Variants in TLN2 observed in about 807,000 individuals in gnomAD.
TLN2 encodes the protein talin 2, also known as talin-2.
In TLN2, 118 loss-of-function variants were observed where a neutral mutation model predicts 294.7. That is an observed-to-expected ratio of 0.40 (90% confidence interval 0.34 to 0.47). The LOEUF (loss-of-function observed/expected upper bound fraction) is 0.47, where lower values mean the gene tolerates loss of function less well. Ranked by LOEUF, TLN2 falls within the 20% of genes least tolerant of loss-of-function variation. The probability of loss-of-function intolerance (pLI) is 0.84; values close to 1 mark genes in which losing one functional copy is unlikely to be tolerated. For missense variants in TLN2, 3,083 were observed against 3,282.2 expected (o/e 0.94, Z 1.48); for synonymous variants, 1,431 against 1,304.5 (o/e 1.10, Z -2.09).
At chr15:62,481,798 CTTT>C (rs60002079) in intron 1 of TLN2, among the ~76,000 whole-genome samples, 13 of 115,738 alleles carry the variant, frequency 1.1e-4, no homozygotes, top group Non-Finnish European at 1.9e-4. Context: ...TTCTTTCTTT[CTTT>C]TTTTTTTTTT....
intron 37 of TLN2, chr15:62,758,498 C>T (rs1276973017): frequency 6.6e-6 from 1 of 152,160 alleles, no homozygotes; most frequent in Non-Finnish European, 1.5e-5. Context: ...ATTTGGGTGC[C>T]AAGTAGAAAT....
intron 36 of TLN2, 66 bp downstream of exon 36, chr15:62,753,982 A>G: frequency 7.2e-7 from 1 of 1,396,586 alleles, no homozygotes; most frequent in Non-Finnish European, 9.4e-7. Context: ...GTTGTGGGAG[A>G]CTATGAGAAA....
At chr15:62,586,674 C>G (rs2045638299) in intron 1 of TLN2, among the ~76,000 whole-genome samples, 1 of 152,152 alleles carries the variant, frequency 6.6e-6, no homozygotes, top group African/African-American at 2.4e-5. Context: ...AAAAATAAAT[C>G]TGTGAAGTGG....
At chr15:62,760,619 A>G (rs1434698801) in intron 37 of TLN2, among the ~76,000 whole-genome samples, 2 of 152,112 alleles carry the variant, frequency 1.3e-5, no homozygotes, top group Non-Finnish European at 2.9e-5. Flanking sequence ...GTAGGTTCTA[A>G]CAGTCTTGAT....
chr15:62,638,302 G>T, intron 3 of TLN2: 2 of 348,800 alleles, frequency 5.7e-6, no homozygotes, highest in Non-Finnish European at 5.6e-6. Flanking sequence ...ACTCAGCTCA[G>T]TTGCCCGGAG....
At chr15:62,521,725 G>A (rs1416722482) in intron 1 of TLN2, among the ~76,000 whole-genome samples, 1 of 152,144 alleles carries the variant, frequency 6.6e-6, no homozygotes, top group Non-Finnish European at 1.5e-5. Flanking sequence ...CTAGATCCTA[G>A]AAAGGCCTGG....
Position 62,465,104 on chromosome 15 carries a change from G to GT in TLN2, c.-238+74442dup, listed in dbSNP as rs57890839. On this transcript the variant is annotated intron_variant, in intron 1 of 58. Transcript: ENST00000636159. ...TACTTGGGAAACTTGTGGTGAGCGC[G>GT]TTTTTTTTTTTTTTTTTTTTTTTGG... is the stretch of plus-strand genomic sequence containing the variant. Among the ~76,000 whole-genome samples the GT allele has an allele frequency of 5.7e-3, 491 of 85,508 alleles. 2 individuals are homozygous for GT. The highest frequency in any genetic ancestry group is 0.015 in the African/African-American group (328 of 22,482). The allele number at this position is 85,508 out of a possible 152,430, so 56.1% of individuals were successfully genotyped here.
intron 46 of TLN2, among the ~76,000 whole-genome samples, chr15:62,794,401 G>A (rs1423566429): frequency 6.6e-6 from 1 of 152,178 alleles, no homozygotes; most frequent in Non-Finnish European, 1.5e-5. Flanking sequence ...AGACCCTAGT[G>A]ACTAGCAGAT....
At chr15:62,817,602 C>T (rs1365650578) in intron 52 of TLN2, among the ~76,000 whole-genome samples, 2 of 152,128 alleles carry the variant, frequency 1.3e-5, no homozygotes, top group African/African-American at 4.8e-5. Flanking sequence ...TGACTCCTCT[C>T]ATCGGTTTTT....
chr15:62,826,881 A>G (rs1010661661), intron 54 of TLN2, among the ~76,000 whole-genome samples: 1 of 152,108 alleles, frequency 6.6e-6, no homozygotes, highest in Non-Finnish European at 1.5e-5. Context: ...TATATCCAAG[A>G]GGGTTTTTTT....
intron 1 of TLN2, among the ~76,000 whole-genome samples, chr15:62,430,912 A>G (rs900190834): frequency 1.4e-5 from 2 of 146,008 alleles, no homozygotes; most frequent in Non-Finnish European, 3.0e-5. Flanking sequence ...AGGAGGCGAG[A>G]AAGATGATAA....
chr15:62,525,029 G>A (rs1379140434), intron 1 of TLN2, among the ~76,000 whole-genome samples: 1 of 152,208 alleles, frequency 6.6e-6, no homozygotes, highest in Non-Finnish European at 1.5e-5. Context: ...CATCGTGATA[G>A]CATCTCTGCA....
intron 1 of TLN2, among the ~76,000 whole-genome samples, chr15:62,430,454 G>A (rs1226910084): frequency 1.3e-5 from 2 of 152,156 alleles, no homozygotes; most frequent in Non-Finnish European, 1.5e-5. Context: ...TGTTTTGTTC[G>A]CTAGATGTTT....
At chr15:62,551,310 G>T (rs1342185334) in intron 1 of TLN2, among the ~76,000 whole-genome samples, 1 of 152,110 alleles carries the variant, frequency 6.6e-6, no homozygotes, top group Non-Finnish European at 1.5e-5. Flanking sequence ...TGGGGATTGG[G>T]GACCCCTGCT....
At chr15:62,468,447 G>A (rs2037266065) in intron 1 of TLN2, among the ~76,000 whole-genome samples, 1 of 152,144 alleles carries the variant, frequency 6.6e-6, no homozygotes, top group South Asian at 2.1e-4. Context: ...ATTATTTAAT[G>A]TTACAAAGGA....
At chr15:62,653,929 T>C (rs1184428540) in intron 7 of TLN2, among the ~76,000 whole-genome samples, 1 of 152,170 alleles carries the variant, frequency 6.6e-6, no homozygotes, top group African/African-American at 2.4e-5. Flanking sequence ...CTAAGTGTCT[T>C]TCCATCTCTT....
chr15:62,569,676 T>C (rs2043701172), intron 1 of TLN2, among the ~76,000 whole-genome samples: 1 of 152,206 alleles, frequency 6.6e-6, no homozygotes, highest in Non-Finnish European at 1.5e-5. Flanking sequence ...GGTTGGATTT[T>C]TGTGGTAAAG....
At chr15:62,660,734 A>C (rs555744658) in intron 9 of TLN2, among the ~76,000 whole-genome samples, 16 of 152,284 alleles carry the variant, frequency 1.1e-4, no homozygotes, top group African/African-American at 3.8e-4. Flanking sequence ...GTTTTTCTTT[A>C]ACTCATTGAG....
intron 8 of TLN2, 33 bp downstream of exon 8, chr15:62,656,119 GTGAGATTGCAGGAAGC>G: frequency 2.5e-6 from 4 of 1,605,712 alleles, no homozygotes; most frequent in Non-Finnish European, 3.4e-6. Context: ...ACTGAGGTTG[GTGAGATTGCAGGAAGC>G]TCCTGGCTGT....
Sources: gnomAD v4.1 joint callset for allele counts (sites outside exome capture counted in the v4.1 genomes callset) on GRCh38, gnomAD v4.1.1 for gene constraint, MANE v1.5 for transcripts, NCBI Gene and HGNC (gene_info 2026-07-23, HGNC 2026-07-21) for gene names.